SH3TC2: variants seen among roughly 807,000 people sequenced by gnomAD.
SH3TC2 encodes SH3 domain and tetratricopeptide repeats 2.
SH3TC2 carries 87 observed loss-of-function variants against 124.5 expected under a neutral mutation model. That is an observed-to-expected ratio of 0.70 (90% CI 0.59 to 0.84). The LOEUF is 0.84. Ranked by LOEUF, SH3TC2 falls within the 40% of genes least tolerant of loss-of-function variation. The pLI, the probability that SH3TC2 is intolerant of heterozygous loss-of-function variation, is 0.00. For synonymous variants in SH3TC2, 634 were observed against 628.5 expected (o/e 1.01, Z -0.13); for missense variants, 1,536 against 1,566.4 (o/e 0.98, Z 0.33).
At chr5:149,010,505 C>T in intron 13 of SH3TC2, 113 bp from the exon 14 acceptor site, 10 of 1,419,990 alleles carry the variant, frequency 7.0e-6, no homozygotes, top group Non-Finnish European at 9.6e-6. Context: ...CTGCTAAAGT[C>T]CCCCAAATCC....
In SH3TC2 at chr5:148,985,212, C is replaced by T. The variant is rs181614333; in HGVS notation, c.*19499G>A. Among the ~76,000 whole-genome samples the T allele has an allele frequency of 2.6e-5, 4 of 151,344 alleles. No individual in the cohort carries two copies. The highest frequency in any genetic ancestry group is 2.6e-4 in the Admixed American group (4 of 15,240). ...ACACACGCAAAAATATATTACTACT[C>T]ATTTGAGGGTACCCTGTTATGAAGG... On this transcript the variant is annotated 3_prime_UTR_variant, in exon 17 of 17. Coordinates refer to ENST00000515425, the MANE Select transcript of SH3TC2 (RefSeq NM_024577.4).
rs1753494176 is a variant in SH3TC2, at chr5:148,995,465, T to C, written c.*9246A>G. On this transcript the variant is annotated 3_prime_UTR_variant, in exon 17 of 17. Transcript: ENST00000515425. ...GTCAAACTACTATCTGTTTGAAAAT[T>C]AAGAAAAGACCTACCACAGCTATAG... Among the ~76,000 whole-genome samples, 1 of 152,182 alleles carries C rather than the reference T, an allele frequency of 6.6e-6. No individual in the cohort carries two copies. The highest frequency in any genetic ancestry group is 6.5e-5 in the Admixed American group (1 of 15,276).
At chr5:149,022,463 C>T (rs997154609) in intron 12 of SH3TC2, among the ~76,000 whole-genome samples, 7 of 152,188 alleles carry the variant, frequency 4.6e-5, no homozygotes, top group Non-Finnish European at 1.0e-4. Context: ...AGTGCAGCCA[C>T]TTTTAAAAAC....
chr5:149,031,688 C>T lies in SH3TC2; in HGVS notation c.1002-1G>A. ...ACTGAGAAAGGCAGAGTTCCTGCTCCTGCATCGGGGCAAAAAACACAGAGA... is the reference window on the plus strand; with the variant it reads ...ACTGAGAAAGGCAGAGTTCCTGCTCTTGCATCGGGGCAAAAAACACAGAGA... On this transcript the variant is annotated splice_acceptor_variant, in intron 8 of 16. Transcript: ENST00000515425. LOFTEE classifies it high-confidence loss of function. The T allele has an allele frequency of 6.2e-7, 1 of 1,614,054 alleles. No individual in the cohort carries two copies. The highest frequency in any genetic ancestry group is 8.5e-7 in the Non-Finnish European group (1 of 1,180,026).
intron 2 of SH3TC2, among the ~76,000 whole-genome samples, chr5:149,048,510 GC>G (rs1754505549): frequency 6.6e-6 from 1 of 152,178 alleles, no homozygotes. Context: ...TTCTGATACT[GC>G]AATTATTAAT....
chr5:149,018,503 G>A (rs1464220370), intron 12 of SH3TC2, among the ~76,000 whole-genome samples: 2 of 152,140 alleles, frequency 1.3e-5, no homozygotes, highest in Non-Finnish European at 2.9e-5. Flanking sequence ...CAGAAGGCAA[G>A]AGAGAGAAGG....
rs1753488711 is a variant in SH3TC2 at position 148,995,165 on chromosome 5, A to G, written c.*9546T>C. Among the ~76,000 whole-genome samples the G allele has an allele frequency of 6.6e-6, 1 of 152,226 alleles. No individual in the cohort carries two copies. The highest frequency in any genetic ancestry group is 1.5e-5 in the Non-Finnish European group (1 of 68,042). On this transcript the variant is annotated 3_prime_UTR_variant, in exon 17 of 17. Coordinates refer to ENST00000515425, the MANE Select transcript of SH3TC2 (RefSeq NM_024577.4). ...AGGGAAACATTCAAATGTTCAAAAGAGAAATATTTATCTTGAAGATCCTAA... is the reference window on the plus strand; with the variant it reads ...AGGGAAACATTCAAATGTTCAAAAGGGAAATATTTATCTTGAAGATCCTAA...
intron 9 of SH3TC2, among the ~76,000 whole-genome samples, chr5:149,029,144 C>T (rs1360559556): frequency 2.0e-5 from 3 of 152,338 alleles, no homozygotes; most frequent in South Asian, 4.1e-4. Context: ...CACGTGGGAG[C>T]ACATGGTGCT....
intron 2 of SH3TC2, among the ~76,000 whole-genome samples, chr5:149,050,711 T>A (rs1207504295): frequency 6.6e-6 from 1 of 152,218 alleles, no homozygotes; most frequent in East Asian, 1.9e-4. Context: ...CTTATGGCTA[T>A]ACCACCCTGA....
intron 16 of SH3TC2, 80 bp downstream of exon 16, chr5:149,006,801 A>G (rs2052352059): frequency 7.0e-7 from 1 of 1,421,100 alleles, no homozygotes; most frequent in Non-Finnish European, 9.9e-7. Flanking sequence ...TCCACCACAA[A>G]GGCTCCTCAT....
intron 6 of SH3TC2, among the ~76,000 whole-genome samples, chr5:149,041,195 C>A (rs1284823306): frequency 6.6e-6 from 1 of 152,180 alleles, no homozygotes; most frequent in Non-Finnish European, 1.5e-5. Flanking sequence ...CTGCTAGGTA[C>A]AATGCCCATC....
intron 12 of SH3TC2, among the ~76,000 whole-genome samples, chr5:149,017,725 C>A (rs1030597540): frequency 8.5e-5 from 13 of 152,186 alleles, no homozygotes; most frequent in Admixed American, 5.9e-4. Flanking sequence ...GAGGCCCCTC[C>A]ATACAATTCT....
intron 16 of SH3TC2, chr5:149,006,011 T>C (rs1299421040): frequency 6.6e-6 from 1 of 152,340 alleles, no homozygotes; most frequent in Non-Finnish European, 1.5e-5. Context: ...ACACCTGTAA[T>C]CCCACCATTT....
rs914491112 is a variant in SH3TC2 at position 148,988,320 on chromosome 5, G to C, written c.*16391C>G. ...AGCTGCCTTACTATCTAGTCCCCAA[G>C]ATAGCCCCAAGTGAACCAGGCTTCC... On this transcript the variant is annotated 3_prime_UTR_variant, in exon 17 of 17. Coordinates refer to ENST00000515425, the MANE Select transcript of SH3TC2 (RefSeq NM_024577.4). Among the ~76,000 whole-genome samples, 4 of 152,280 alleles carry C rather than the reference G, an allele frequency of 2.6e-5. No homozygotes were observed. Among genetic ancestry groups the C allele is most frequent in the Non-Finnish European group, 5.9e-5 (4 of 68,026 alleles).
chr5:149,035,657 C>T (rs1010521952), intron 8 of SH3TC2: 5 of 152,336 alleles, frequency 3.3e-5, no homozygotes, highest in African/African-American at 1.2e-4. Flanking sequence ...CCACCCCTCC[C>T]TGTTTTCTGA....
In SH3TC2 at chr5:148,990,261, T is replaced by C. The variant is rs758906397; in HGVS notation, c.*14450A>G. Among the ~76,000 whole-genome samples, 6 of 151,332 alleles carry C rather than the reference T, an allele frequency of 4.0e-5. No homozygotes were observed. The highest frequency in any genetic ancestry group is 8.8e-5 in the Non-Finnish European group (6 of 68,008). The stretch of plus-strand genomic sequence containing the variant: ...CATTTAAAATATATTCATAGTAAGA[T>C]GACAAACTGTTCCTCTTTAGAAGTA... On this transcript the variant is annotated 3_prime_UTR_variant, in exon 17 of 17. Coordinates refer to ENST00000515425, the MANE Select transcript of SH3TC2 (RefSeq NM_024577.4).
chr5:149,043,796 A>C (rs1438153804), intron 4 of SH3TC2: 2 of 152,574 alleles, frequency 1.3e-5, no homozygotes, highest in African/African-American at 4.8e-5. Flanking sequence ...GATACACCTT[A>C]TGTTTTCCAG....
intron 12 of SH3TC2, chr5:149,025,846 C>T (rs1033336646): frequency 6.6e-6 from 1 of 152,140 alleles, no homozygotes; most frequent in African/African-American, 2.4e-5. Context: ...AAATCAATCA[C>T]AAAACAAAGA....
chr5:148,986,948 T>G lies in SH3TC2; in HGVS notation c.*17763A>C, dbSNP rs1753342850. ...TCAAGAATTCCAAGGAGAGGCAGAGTTTTCAAAGACTCCAGTTCAATGCCA... is the reference window on the plus strand; with the variant it reads ...TCAAGAATTCCAAGGAGAGGCAGAGGTTTCAAAGACTCCAGTTCAATGCCA... On this transcript the variant is annotated 3_prime_UTR_variant, in exon 17 of 17. Coordinates refer to ENST00000515425, the MANE Select transcript of SH3TC2 (RefSeq NM_024577.4). Among the ~76,000 whole-genome samples the G allele has an allele frequency of 6.6e-6, 1 of 151,928 alleles. No individual in the cohort carries two copies. The highest frequency in any genetic ancestry group is 2.4e-5 in the African/African-American group (1 of 41,346).
Sources: allele counts gnomAD v4.1 joint callset (sites outside exome capture counted in the v4.1 genomes callset), GRCh38; gene constraint gnomAD v4.1.1; transcripts MANE v1.5; gene names NCBI Gene and HGNC (gene_info 2026-07-23, HGNC 2026-07-21).